The following STIM2 variants were observed in gnomAD, a reference collection of about 807,000 sequenced individuals.
STIM2 encodes stromal interaction molecule 2.
STIM2 carries 31 observed loss-of-function variants against 85.8 expected under a neutral mutation model. The observed-to-expected ratio is 0.36, with a 90% confidence interval of 0.27 to 0.49. STIM2 has a LOEUF of 0.49. STIM2 is among the 20% of genes least tolerant of loss of function. The pLI, the probability that STIM2 is intolerant of heterozygous loss-of-function variation, is 0.98. For missense variants in STIM2, 841 were observed against 927.6 expected (o/e 0.91, Z 1.21); for synonymous variants, 356 against 331.1 (o/e 1.08, Z -0.82).
chr4:26,992,361 C>T (rs957059939), intron 3 of STIM2, among the ~76,000 whole-genome samples: 3 of 151,960 alleles, frequency 2.0e-5, no homozygotes, highest in African/African-American at 7.2e-5. Flanking sequence ...GTTGAAGTAA[C>T]AATCATACAG....
In STIM2 at chr4:27,024,078, G is replaced by T. The variant is rs1285235001; in HGVS notation, c.*1082G>T. The T allele has an allele frequency of 6.6e-6, 1 of 152,576 alleles. No homozygotes were observed. The highest frequency in any genetic ancestry group is 6.5e-5 in the Admixed American group (1 of 15,268). 9.5% of individuals were successfully genotyped at this position (152,576 alleles called of 1,614,324 possible). On this transcript the variant is annotated 3_prime_UTR_variant, in exon 12 of 12. Transcript: ENST00000467087. ...TATAAGAAATAGTGATGTTTTGGACGTAAGTTGTCAACAAATTTCTATTTT... is the reference window on the plus strand; with the variant it reads ...TATAAGAAATAGTGATGTTTTGGACTTAAGTTGTCAACAAATTTCTATTTT...
Position 26,861,644 on chromosome 4 carries a change from TTC to T in STIM2, c.151+279_151+280del. 9.2e-6 allele frequency: 3 copies of T among 325,714 alleles called. 1 individual carries two copies. The highest frequency in any genetic ancestry group is 1.6e-5 in the Non-Finnish European group (3 of 186,850). The allele number at this position is 325,714 out of a possible 1,614,324, so 20.2% of individuals were successfully genotyped here. A position where few individuals can be genotyped will look rare whatever the true frequency, so the allele number is the denominator to read the frequency against. On this transcript the variant is annotated intron_variant, in intron 1 of 11. Transcript: ENST00000467087. Reference sequence around the variant, plus strand: ...CTTCCAAGCTGAGCAATGCGGTGGTTTCTCTTTCGTGCTGCAGAAGTGCCAGC... The same window carrying T: ...CTTCCAAGCTGAGCAATGCGGTGGTTTCTTTCGTGCTGCAGAAGTGCCAGC...
chr4:27,001,553 G>A (rs1348330344), intron 5 of STIM2, among the ~76,000 whole-genome samples: 2 of 152,120 alleles, frequency 1.3e-5, no homozygotes, highest in African/African-American at 4.8e-5. Flanking sequence ...TTTGTCATCC[G>A]CAGAGGGGAC....
intron 3 of STIM2, among the ~76,000 whole-genome samples, chr4:26,958,801 T>G (rs1030736974): frequency 6.6e-6 from 1 of 152,138 alleles, no homozygotes; most frequent in African/African-American, 2.4e-5. Context: ...GGTGGGGAAC[T>G]CAGCAACAAA....
At chr4:26,891,551 A>G (rs2109045016) in intron 1 of STIM2, among the ~76,000 whole-genome samples, 1 of 111,776 alleles carries the variant, frequency 8.9e-6, no homozygotes, top group East Asian at 3.4e-4. Context: ...ATATGTGTAT[A>G]CATACATACA....
chr4:26,895,876 A>G lies in STIM2; in HGVS notation c.152-23628A>G, dbSNP rs148976774. Among the ~76,000 whole-genome samples the G allele has an allele frequency of 1.1e-3, 167 of 152,348 alleles. 1 individual carries two copies. The East Asian group carries it at 0.027, about 25-fold the overall frequency. On this transcript the variant is annotated intron_variant, in intron 1 of 11. Transcript: ENST00000467087. ...ATCAAACTCAGTGTGTTAGTTTTCT[A>G]CTGCTGCATAATGAATTACCATACA...
At chr4:26,958,045 T>C (rs564008022) in intron 3 of STIM2, among the ~76,000 whole-genome samples, 2 of 152,278 alleles carry the variant, frequency 1.3e-5, no homozygotes, top group Non-Finnish European at 2.9e-5. Context: ...CAAATAAACA[T>C]ATGGAAACAC....
intron 10 of STIM2, among the ~76,000 whole-genome samples, chr4:27,012,902 G>A (rs1356052610): frequency 7.9e-5 from 12 of 151,844 alleles, no homozygotes; most frequent in Non-Finnish European, 1.3e-4. Context: ...ATTTTTCTGC[G>A]TAATTTGAAG....
At chr4:27,020,871 A>T in intron 11 of STIM2, 1 of 755,394 alleles carries the variant, frequency 1.3e-6, no homozygotes, top group Non-Finnish European at 2.2e-6. Flanking sequence ...GCTGGGTTAT[A>T]ATCATATGTG....
chr4:26,863,402 A>G (rs1366753647), intron 1 of STIM2, among the ~76,000 whole-genome samples: 3 of 152,174 alleles, frequency 2.0e-5, no homozygotes, highest in Non-Finnish European at 4.4e-5. Context: ...TTGTTATTTT[A>G]ATAAGTTTAT....
At chr4:26,974,704 A>G (rs918313218) in intron 3 of STIM2, among the ~76,000 whole-genome samples, 7 of 151,784 alleles carry the variant, frequency 4.6e-5, no homozygotes, top group African/African-American at 1.5e-4. Context: ...TGAATCTGAC[A>G]ATTATGCGTC....
At chr4:26,935,900 A>G (rs1577448517) in intron 2 of STIM2, among the ~76,000 whole-genome samples, 2 of 152,334 alleles carry the variant, frequency 1.3e-5, no homozygotes, top group Middle Eastern at 6.8e-3. Context: ...AAATATAAAT[A>G]CTACTGTGAT....
intron 10 of STIM2, among the ~76,000 whole-genome samples, chr4:27,016,749 C>T (rs1728745475): frequency 6.6e-6 from 1 of 152,168 alleles, no homozygotes; most frequent in Admixed American, 6.5e-5. Flanking sequence ...CTAACGTGGG[C>T]CCAAAGCCTA....
At chr4:26,888,398 A>G (rs763077841) in intron 1 of STIM2, among the ~76,000 whole-genome samples, 2 of 152,218 alleles carry the variant, frequency 1.3e-5, no homozygotes, top group African/African-American at 2.4e-5. Flanking sequence ...CTTAAATATC[A>G]TGATGTAAAG....
chr4:27,022,481 T>C, intron 11 of STIM2, 38 bp from the exon 12 acceptor site: 1 of 1,507,076 alleles, frequency 6.6e-7, no homozygotes. Context: ...AAGAACATAC[T>C]GATTTAAAAT....
At chr4:26,955,887 ATTGT>A in intron 2 of STIM2, among the ~76,000 whole-genome samples, 1 of 152,246 alleles carries the variant, frequency 6.6e-6, no homozygotes, top group Non-Finnish European at 1.5e-5. Context: ...ATCCTAGAAC[ATTGT>A]TTCTTTATTT....
chr4:26,870,040 G>C (rs1722553819), intron 1 of STIM2, among the ~76,000 whole-genome samples: 1 of 152,096 alleles, frequency 6.6e-6, no homozygotes, highest in African/African-American at 2.4e-5. Context: ...ATTATGCTAA[G>C]TGAAGTAACG....
intron 2 of STIM2, among the ~76,000 whole-genome samples, chr4:26,956,230 A>G (rs1335998937): frequency 6.6e-6 from 1 of 152,164 alleles, no homozygotes; most frequent in Admixed American, 6.5e-5. Context: ...AAAAGCATAA[A>G]CAATTTAAAA....
At chr4:26,953,140 G>A (rs1577459448) in intron 2 of STIM2, among the ~76,000 whole-genome samples, 1 of 152,054 alleles carries the variant, frequency 6.6e-6, no homozygotes, top group Admixed American at 6.6e-5. Context: ...AGAAACTGTG[G>A]TGGTTTTCCG....
Sources: gnomAD v4.1 joint callset for allele counts (sites outside exome capture counted in the v4.1 genomes callset) on GRCh38, gnomAD v4.1.1 for gene constraint, MANE v1.5 for transcripts, NCBI Gene and HGNC (gene_info 2026-07-23, HGNC 2026-07-21) for gene names.